Variants in SORCS1 observed in about 807,000 individuals in gnomAD.
SORCS1 encodes the protein sortilin related VPS10 domain containing receptor 1.
In SORCS1, 60 loss-of-function variants were observed where a neutral mutation model predicts 146.1. The observed-to-expected ratio is 0.41, with a 90% CI of 0.33 to 0.51. SORCS1 has a LOEUF of 0.51. Ranked by LOEUF, SORCS1 falls within the 20% of genes least tolerant of loss-of-function variation. SORCS1 has a pLI of 0.21. For synonymous variants in SORCS1, 637 were observed against 584.0 expected (o/e 1.09, Z -1.31); for missense variants, 1,352 against 1,487.6 (o/e 0.91, Z 1.50).
intron 2 of SORCS1, among the ~76,000 whole-genome samples, chr10:106,907,454 A>T (rs912639783): frequency 2.0e-5 from 3 of 152,184 alleles, no homozygotes; most frequent in African/African-American, 7.2e-5. Flanking sequence ...GGAAGTATAT[A>T]TACCTAAAGA....
intron 12 of SORCS1, 98 bp downstream of exon 12, chr10:106,679,158 T>C (rs1852249347): frequency 4.0e-6 from 3 of 754,278 alleles, no homozygotes; most frequent in South Asian, 1.8e-5. Context: ...TTAGGATTTA[T>C]GTGTAGCACC....
At chr10:106,681,014 AC>A (rs1852397381) in intron 10 of SORCS1, among the ~76,000 whole-genome samples, 1 of 152,226 alleles carries the variant, frequency 6.6e-6, no homozygotes, top group East Asian at 1.9e-4. Context: ...ACTAATAGTA[AC>A]AAATGATTGG....
At chr10:106,843,370 A>G (rs556642685) in intron 2 of SORCS1, among the ~76,000 whole-genome samples, 2 of 150,878 alleles carry the variant, frequency 1.3e-5, no homozygotes, top group African/African-American at 2.4e-5. Flanking sequence ...TGTCTGGCTT[A>G]TCTCACTTAG....
At chr10:106,910,171 A>G (rs192817090) in intron 2 of SORCS1, among the ~76,000 whole-genome samples, 1 of 152,132 alleles carries the variant, frequency 6.6e-6, no homozygotes, top group Admixed American at 6.6e-5. Flanking sequence ...AATATAGTTG[A>G]GGTGGAAGAA....
At chr10:106,598,067 C>G (rs1393733424) in intron 23 of SORCS1, among the ~76,000 whole-genome samples, 1 of 151,978 alleles carries the variant, frequency 6.6e-6, no homozygotes, top group Non-Finnish European at 1.5e-5. Flanking sequence ...TATTTAACCC[C>G]AAGCACGGGG....
At chr10:106,721,607 T>G (rs1855785794) in intron 6 of SORCS1, among the ~76,000 whole-genome samples, 1 of 152,218 alleles carries the variant, frequency 6.6e-6, no homozygotes, top group African/African-American at 2.4e-5. Flanking sequence ...CCAAGATTGC[T>G]GAGGGCTTGC....
chr10:106,577,684 G>C, intron 25 of SORCS1, 129 bp from the exon 26 acceptor site: 8 of 1,481,058 alleles, frequency 5.4e-6, no homozygotes, highest in Non-Finnish European at 7.1e-6. Flanking sequence ...GCAAACAGAG[G>C]CTGTGCTTCA....
intron 2 of SORCS1, among the ~76,000 whole-genome samples, chr10:106,940,514 G>A (rs1256461860): frequency 6.6e-6 from 1 of 152,184 alleles, no homozygotes; most frequent in African/African-American, 2.4e-5. Context: ...GGAAAAATAT[G>A]TAAAACAGAG....
At chr10:107,055,107 G>C (rs1426249052) in intron 1 of SORCS1, among the ~76,000 whole-genome samples, 1 of 152,138 alleles carries the variant, frequency 6.6e-6, no homozygotes, top group Non-Finnish European at 1.5e-5. Flanking sequence ...TTGAATCATG[G>C]GACCAGGGAG....
Position 107,003,402 on chromosome 10 carries a change from G to A in SORCS1, c.559-46822C>T, listed in dbSNP as rs561234850. ...TAGCCAAAGTATGCATGTGTTGTGT[G>A]TATAGAGAGAATAATAAATTCCCAT... On this transcript the variant is annotated intron_variant, in intron 1 of 25. Coordinates refer to ENST00000263054, the MANE Select transcript of SORCS1 (RefSeq NM_052918.5). 5.3e-4 allele frequency among the ~76,000 whole-genome samples: 80 copies of A among 151,328 alleles called. 1 individual carries two copies. The South Asian group carries it at 0.016, about 30-fold the overall frequency.
chr10:106,596,264 T>C (rs1845898808), intron 24 of SORCS1, among the ~76,000 whole-genome samples: 1 of 152,182 alleles, frequency 6.6e-6, no homozygotes, highest in Non-Finnish European at 1.5e-5. Context: ...TACACCGAAC[T>C]TCCCCACACC....
intron 24 of SORCS1, among the ~76,000 whole-genome samples, chr10:106,590,321 T>C (rs1316479887): frequency 2.6e-5 from 4 of 152,186 alleles, no homozygotes; most frequent in Non-Finnish European, 5.9e-5. Flanking sequence ...AACTAGTATT[T>C]GTGCCTCAGG....
chr10:106,964,606 C>T (rs1030002664), intron 1 of SORCS1, among the ~76,000 whole-genome samples: 1 of 152,134 alleles, frequency 6.6e-6, no homozygotes, highest in Non-Finnish European at 1.5e-5. Context: ...CCTTCTTCAG[C>T]CTCCCAAGTA....
At chr10:106,615,301 G>A (rs796560908) in intron 21 of SORCS1, among the ~76,000 whole-genome samples, 7 of 152,292 alleles carry the variant, frequency 4.6e-5, no homozygotes, top group South Asian at 2.1e-4. Flanking sequence ...CTCTGCGGGA[G>A]AGTAGGAGAC....
In SORCS1 at chr10:106,865,655, C is replaced by T. The variant is rs560855042; in HGVS notation, c.627-35982G>A. Among the ~76,000 whole-genome samples, 404 of 150,940 alleles carry T rather than the reference C, an allele frequency of 2.7e-3. 3 individuals are homozygous for T. The highest frequency in any genetic ancestry group is 4.3e-3 in the Non-Finnish European group (293 of 67,806). ...CAGGAGAACGCTTGAACCTGGGAGG[C>T]GGAGGTTGCAGTGAGCCAAGATTGT... On this transcript the variant is annotated intron_variant, in intron 2 of 25. Coordinates refer to ENST00000263054, the MANE Select transcript of SORCS1 (RefSeq NM_052918.5).
At chr10:107,065,013 G>C (rs1193644439) in intron 1 of SORCS1, among the ~76,000 whole-genome samples, 1 of 152,118 alleles carries the variant, frequency 6.6e-6, no homozygotes, top group Non-Finnish European at 1.5e-5. Flanking sequence ...GGAACAGCTG[G>C]AACTATGAGC....
chr10:106,769,928 T>TA (rs966255701), intron 4 of SORCS1, among the ~76,000 whole-genome samples: 1 of 151,770 alleles, frequency 6.6e-6, no homozygotes, highest in South Asian at 2.1e-4. Context: ...CAGTCTCTAC[T>TA]AAAAAAATGC....
At chr10:106,867,336 G>A (rs1950258456) in intron 2 of SORCS1, among the ~76,000 whole-genome samples, 1 of 151,302 alleles carries the variant, frequency 6.6e-6, no homozygotes, top group Admixed American at 6.6e-5. Context: ...CCACGCTGGA[G>A]TGCAGTGGTG....
intron 18 of SORCS1, among the ~76,000 whole-genome samples, chr10:106,647,011 AT>A (rs1564814274): frequency 7.4e-4 from 1 of 1,350 alleles, no homozygotes; most frequent in Non-Finnish European, 7.0e-3. Context: ...GTATGTGTAT[AT>A]ATATATATAT....
Sources: gnomAD v4.1 joint callset for allele counts (sites outside exome capture counted in the v4.1 genomes callset) on GRCh38, gnomAD v4.1.1 for gene constraint, MANE v1.5 for transcripts, NCBI Gene and HGNC (gene_info 2026-07-23, HGNC 2026-07-21) for gene names.